NXPH1: variants seen among roughly 807,000 people sequenced by gnomAD.
NXPH1 encodes the protein neurexophilin 1, also known as neurexophilin-1.
Under a neutral mutation model 23.7 loss-of-function variants are expected in NXPH1, and 5 were observed. The ratio of observed to expected loss-of-function variants is 0.21; its 90% CI spans 0.11 to 0.44. The LOEUF (loss-of-function observed/expected upper bound fraction) is 0.44. Ranked by LOEUF, NXPH1 falls within the 20% of genes least tolerant of loss-of-function variation. NXPH1 has a pLI of 0.99. For synonymous variants in NXPH1, 144 were observed against 122.2 expected, an observed-to-expected ratio of 1.18 and a Z score of -1.18; for missense variants, 324 against 321.6, an observed-to-expected ratio of 1.01 and a Z score of -0.06.
chr7:8,493,320 A>T (rs909302055), intron 2 of NXPH1, among the ~76,000 whole-genome samples: 1 of 152,050 alleles, frequency 6.6e-6, no homozygotes, highest in African/African-American at 2.4e-5. Flanking sequence ...AGCTCTGGCT[A>T]TTTCATCACG....
At chr7:8,713,662 ATCT>A (rs1386054409) in intron 2 of NXPH1, among the ~76,000 whole-genome samples, 1 of 152,210 alleles carries the variant, frequency 6.6e-6, no homozygotes, top group Non-Finnish European at 1.5e-5. Context: ...CTGCAGCCAT[ATCT>A]GCATTAGGGA....
rs79653431 is a variant in NXPH1 at position 8,646,553 on chromosome 7, A to T, written c.55-104455A>T. ...TTTTCTTGCTTTTAAAAGAAATATGACTATAGGCTTTGTTGTACTATTTGT... is the reference window on the plus strand; with the variant it reads ...TTTTCTTGCTTTTAAAAGAAATATGTCTATAGGCTTTGTTGTACTATTTGT... On this transcript the variant is annotated intron_variant, in intron 2 of 2. Transcript: ENST00000405863. Among the ~76,000 whole-genome samples, 1,089 of 152,198 alleles carry T rather than the reference A, an allele frequency of 7.2e-3. 11 individuals are homozygous for T. The highest frequency in any genetic ancestry group is 0.025 in the African/African-American group (1,024 of 41,536).
chr7:8,712,888 A>C (rs1779818256), intron 2 of NXPH1, among the ~76,000 whole-genome samples: 1 of 152,130 alleles, frequency 6.6e-6, no homozygotes. Context: ...TATAAAATGC[A>C]TTGAGGTAGT....
At chr7:8,584,321 A>C (rs1390772222) in intron 2 of NXPH1, among the ~76,000 whole-genome samples, 1 of 152,232 alleles carries the variant, frequency 6.6e-6, no homozygotes, top group African/African-American at 2.4e-5. Flanking sequence ...AACACCAATA[A>C]CATTGTTCCC....
intron 2 of NXPH1, among the ~76,000 whole-genome samples, chr7:8,632,851 C>G (rs1820156563): frequency 6.6e-6 from 1 of 152,148 alleles, no homozygotes; most frequent in African/African-American, 2.4e-5. Context: ...CCACAGTCTA[C>G]TTAGATGAGC....
At chr7:8,711,920 A>G (rs1752324699) in intron 2 of NXPH1, among the ~76,000 whole-genome samples, 1 of 152,264 alleles carries the variant, frequency 6.6e-6, no homozygotes, top group South Asian at 2.1e-4. Context: ...GGCCAGGGTC[A>G]GGAATTCTGA....
At chr7:8,650,053 G>T (rs914063189) in intron 2 of NXPH1, among the ~76,000 whole-genome samples, 5 of 151,998 alleles carry the variant, frequency 3.3e-5, no homozygotes. Context: ...CAAGAACTCT[G>T]TTGCTGCTAT....
chr7:8,693,114 G>A (rs1370954731), intron 2 of NXPH1, among the ~76,000 whole-genome samples: 1 of 152,114 alleles, frequency 6.6e-6, no homozygotes, highest in African/African-American at 2.4e-5. Context: ...AAAGCAAGAA[G>A]AAGGGAGAGT....
At chr7:8,655,223 A>C (rs1820554811) in intron 2 of NXPH1, among the ~76,000 whole-genome samples, 3 of 152,212 alleles carry the variant, frequency 2.0e-5, no homozygotes, top group Non-Finnish European at 2.9e-5. Context: ...TTTCTCTACC[A>C]AAAATACAAA....
intron 2 of NXPH1, among the ~76,000 whole-genome samples, chr7:8,551,812 T>C (rs1243012800): frequency 6.6e-6 from 1 of 151,376 alleles, no homozygotes; most frequent in Non-Finnish European, 1.5e-5. Flanking sequence ...TGTACAAATA[T>C]TGTCAAATAT....
At chr7:8,568,281 A>G (rs753328017) in intron 2 of NXPH1, among the ~76,000 whole-genome samples, 6 of 151,816 alleles carry the variant, frequency 4.0e-5, no homozygotes, top group African/African-American at 7.3e-5. Context: ...TAAGGTCCCA[A>G]TTTCCTCGAA....
chr7:8,476,264 G>A (rs2128609160), intron 2 of NXPH1, among the ~76,000 whole-genome samples: 1 of 152,180 alleles, frequency 6.6e-6, no homozygotes, highest in Non-Finnish European at 1.5e-5. Flanking sequence ...AAGTGAGTGT[G>A]GATATTCACA....
At chr7:8,542,597 GA>G (rs1242473975) in intron 2 of NXPH1, among the ~76,000 whole-genome samples, 3 of 151,574 alleles carry the variant, frequency 2.0e-5, no homozygotes, top group African/African-American at 7.3e-5. Flanking sequence ...CAGTAAATTA[GA>G]AAAGTATTCA....
chr7:8,491,848 C>T lies in NXPH1; in HGVS notation c.54+56081C>T, dbSNP rs148179447. Among the ~76,000 whole-genome samples, 102 of 152,210 alleles carry T rather than the reference C, an allele frequency of 6.7e-4. 1 individual carries two copies. The highest frequency in any genetic ancestry group is 2.3e-3 in the African/African-American group (95 of 41,566). ...TTTTCATTTTCTTTTGCAGCTTCAGCTGACTGACTTCTTCATCTAAAGTGC... is the reference window on the plus strand; with the variant it reads ...TTTTCATTTTCTTTTGCAGCTTCAGTTGACTGACTTCTTCATCTAAAGTGC... On this transcript the variant is annotated intron_variant, in intron 2 of 2. Transcript: ENST00000405863.
intron 2 of NXPH1, among the ~76,000 whole-genome samples, chr7:8,625,245 G>A (rs1354768069): frequency 6.6e-6 from 1 of 152,100 alleles, no homozygotes; most frequent in Admixed American, 6.6e-5. Context: ...TGACTGAATA[G>A]TAAAATAATA....
At chr7:8,665,213 G>C (rs6954869) in intron 2 of NXPH1, among the ~76,000 whole-genome samples, 95,496 of 151,872 alleles carry the variant, frequency 0.63, 31,110 homozygotes, top group East Asian at 0.75. Flanking sequence ...TGTAAGATAA[G>C]GATCTAATTT....
At chr7:8,460,478 C>T (rs1266587785) in intron 2 of NXPH1, among the ~76,000 whole-genome samples, 1 of 152,128 alleles carries the variant, frequency 6.6e-6, no homozygotes, top group Non-Finnish European at 1.5e-5. Context: ...AAACTTGACT[C>T]CTCTTTGCAT....
chr7:8,743,548 A>G (rs1780405800), intron 2 of NXPH1, among the ~76,000 whole-genome samples: 1 of 152,228 alleles, frequency 6.6e-6, no homozygotes, highest in South Asian at 2.1e-4. Flanking sequence ...CAATATTTTA[A>G]AAGATAATGT....
chr7:8,562,961 G>T (rs1248066596), intron 2 of NXPH1, among the ~76,000 whole-genome samples: 1 of 151,590 alleles, frequency 6.6e-6, no homozygotes, highest in Non-Finnish European at 1.5e-5. Context: ...AAATAAATAT[G>T]GCTCTAACAT....
Sources: gnomAD v4.1 joint callset for allele counts (sites outside exome capture counted in the v4.1 genomes callset) on GRCh38, gnomAD v4.1.1 for gene constraint, MANE v1.5 for transcripts, NCBI Gene and HGNC (gene_info 2026-07-23, HGNC 2026-07-21) for gene names.